The following USP28 variants were observed in gnomAD, a reference collection of about 807,000 sequenced individuals.
USP28 encodes the protein ubiquitin specific peptidase 28.
In USP28, 113 loss-of-function variants were observed where a neutral mutation model predicts 145.0. The ratio of observed to expected loss-of-function variants is 0.78; its 90% CI spans 0.67 to 0.91. The LOEUF (loss-of-function observed/expected upper bound fraction) is 0.91, where lower values mean the gene tolerates loss of function less well. Among genes scored for constraint, USP28 ranks in the 40% least tolerant of loss-of-function variants. The pLI, the probability that USP28 is intolerant of heterozygous loss-of-function variation, is 0.00. For missense variants in USP28, 1,201 were observed against 1,289.6 expected (o/e 0.93, Z 1.05); for synonymous variants, 447 against 450.9 (o/e 0.99, Z 0.11).
At chr11:113,852,876 G>C (rs1352568618) in intron 2 of USP28, among the ~76,000 whole-genome samples, 1 of 152,136 alleles carries the variant, frequency 6.6e-6, no homozygotes, top group East Asian at 1.9e-4. Flanking sequence ...GTGAAATCTT[G>C]ATGGAGATTT....
intron 19 of USP28, among the ~76,000 whole-genome samples, chr11:113,806,284 G>T (rs139724896): frequency 1.6e-4 from 24 of 152,070 alleles, no homozygotes; most frequent in African/African-American, 5.3e-4. Context: ...GCCCAGGCTG[G>T]AGTGCAGTGG....
chr11:113,866,695 G>A (rs1948281348), intron 1 of USP28, among the ~76,000 whole-genome samples: 1 of 152,138 alleles, frequency 6.6e-6, no homozygotes, highest in Admixed American at 6.6e-5. Flanking sequence ...TGTATTGCTG[G>A]TGGGAATATA....
intron 19 of USP28, 116 bp from the exon 21 acceptor site, chr11:113,805,162 A>G (rs1183000865): frequency 2.2e-6 from 2 of 904,740 alleles, no homozygotes; most frequent in Non-Finnish European, 3.2e-6. Flanking sequence ...TAAAAAATTC[A>G]TATCGAATTA....
At chr11:113,830,977 T>C (rs1174553775) in intron 8 of USP28, 34 bp from the exon 9 acceptor site, 1 of 1,609,720 alleles carries the variant, frequency 6.2e-7, no homozygotes, top group Non-Finnish European at 8.5e-7. Context: ...TTCTGGATTG[T>C]TTGGATTAAG....
At chr11:113,874,772 A>G in intron 1 of USP28, 1 of 1,153,326 alleles carries the variant, frequency 8.7e-7, no homozygotes, top group South Asian at 1.8e-5. Context: ...CCAGATTCTT[A>G]GATCAGAAGT....
At chr11:113,838,514 T>G (rs545309422) in intron 5 of USP28, among the ~76,000 whole-genome samples, 1 of 152,360 alleles carries the variant, frequency 6.6e-6, no homozygotes, top group South Asian at 2.1e-4. Flanking sequence ...AGCTATTTGC[T>G]ATTTGTCAGA....
rs1236803304 is a variant in USP28 at position 113,852,490 on chromosome 11, A to G, written c.268+11T>C. 6.2e-7 allele frequency: 1 copy of G among 1,612,426 alleles called. No homozygotes were observed. The highest frequency in any genetic ancestry group is 1.7e-5 in the Admixed American group (1 of 59,950). ...TCAGCAAAGGACCAAGACAGGATAT[A>G]TGGTACCTACTTGCTAATACTTCCT... On this transcript the variant is annotated intron_variant, in intron 3 of 24. Coordinates refer to ENST00000003302, the Ensembl canonical transcript of USP28.
intron 7 of USP28, among the ~76,000 whole-genome samples, chr11:113,833,016 G>A (rs1400232767): frequency 6.6e-6 from 1 of 152,166 alleles, no homozygotes; most frequent in South Asian, 2.1e-4. Flanking sequence ...CCTGAACTCA[G>A]GTTTAGATAG....
rs952799981 is a variant in USP28, at chr11:113,823,550, T to C, written c.1283+55A>G. 18 of 1,265,234 alleles carry C rather than the reference T, an allele frequency of 1.4e-5. No individual in the cohort carries two copies. In the African/African-American group the frequency reaches 2.4e-4, roughly 17 times the overall value. 78.4% of individuals were successfully genotyped at this position (1,265,234 alleles called of 1,614,324 possible). On this transcript the variant is annotated intron_variant, in intron 12 of 24. Transcript: ENST00000003302. ...AGTTAATTTTTAAAGAAAAACAAAT[T>C]ATCTGTTTTTAATATTCTTTTACAT...
chr11:113,807,947 G>A lies in USP28; in HGVS notation c.2304+351C>T. 9.0e-7 allele frequency: 1 copy of A among 1,105,320 alleles called. No homozygotes were observed. Among genetic ancestry groups the A allele is most frequent in the Non-Finnish European group, 1.1e-6 (1 of 896,752 alleles). The allele number at this position is 1,105,320 out of a possible 1,614,324, so 68.5% of individuals were successfully genotyped here. ...ACAACTATATCCTGCACTCATCTCT[G>A]TACCTCCTCATCATATCCATCTGCA... On this transcript the variant is annotated intron_variant, in intron 18 of 24. Coordinates refer to ENST00000003302, the Ensembl canonical transcript of USP28.
At chr11:113,812,980 T>C (rs1008955379) in intron 15 of USP28, among the ~76,000 whole-genome samples, 2 of 152,222 alleles carry the variant, frequency 1.3e-5, no homozygotes, top group Non-Finnish European at 2.9e-5. Flanking sequence ...TGACCACTTA[T>C]CTATCTGGAG....
At chr11:113,835,057 T>G in intron 5 of USP28, 1 of 326,994 alleles carries the variant, frequency 3.1e-6, no homozygotes, top group Non-Finnish European at 6.0e-6. Context: ...AACATTAATT[T>G]TTTAAGCTAG....
At chr11:113,816,306 A>G (rs1316261667) in intron 13 of USP28, among the ~76,000 whole-genome samples, 1 of 152,076 alleles carries the variant, frequency 6.6e-6, no homozygotes, top group Non-Finnish European at 1.5e-5. Context: ...TACCAGGTCA[A>G]GAGATCGAGA....
At chr11:113,822,572 C>G (rs1250212467) in intron 12 of USP28, 1 of 150,632 alleles carries the variant, frequency 6.6e-6, no homozygotes, top group Non-Finnish European at 1.5e-5. Flanking sequence ...CCTCAGCCTC[C>G]CATATAGCTG....
chr11:113,854,228 C>T, intron 2 of USP28, 30 bp downstream of exon 2: 1 of 1,591,690 alleles, frequency 6.3e-7, no homozygotes, highest in Non-Finnish European at 8.6e-7. Flanking sequence ...GCTTTAAAGC[C>T]TCCTGACTAA....
intron 1 of USP28, among the ~76,000 whole-genome samples, chr11:113,865,047 C>T (rs914713505): frequency 6.6e-6 from 1 of 152,094 alleles, no homozygotes; most frequent in African/African-American, 2.4e-5. Context: ...ACCACGTTGC[C>T]CAGGCTGGTC....
chr11:113,874,461 C>G, intron 1 of USP28: 3 of 627,840 alleles, frequency 4.8e-6, no homozygotes, highest in African/African-American at 2.1e-5. Flanking sequence ...TGTCTCCATG[C>G]TAAATACTAC....
At chr11:113,799,999 C>G (rs1397558346) in intron 24 of USP28, among the ~76,000 whole-genome samples, 2 of 151,894 alleles carry the variant, frequency 1.3e-5, no homozygotes, top group African/African-American at 4.8e-5. Context: ...TTGAACAAGT[C>G]AATGGAATAT....
intron 12 of USP28, among the ~76,000 whole-genome samples, chr11:113,820,078 G>A (rs1157155571): frequency 1.3e-5 from 2 of 152,146 alleles, no homozygotes; most frequent in Non-Finnish European, 2.9e-5. Flanking sequence ...TCATTGCCAA[G>A]GTCTTATTTT....
Sources: gnomAD v4.1 joint callset for allele counts (sites outside exome capture counted in the v4.1 genomes callset) on GRCh38, gnomAD v4.1.1 for gene constraint, MANE v1.5 for transcripts, NCBI Gene and HGNC (gene_info 2026-07-23, HGNC 2026-07-21) for gene names.